PLEKHH2: variants seen among roughly 807,000 people sequenced by gnomAD.
PLEKHH2 encodes pleckstrin homology, MyTH4 and FERM domain containing H2, also known as pleckstrin homology domain-containing family H member 2.
PLEKHH2 carries 129 observed loss-of-function variants against 187.9 expected under a neutral mutation model. The observed-to-expected ratio is 0.69, with a 90% CI of 0.59 to 0.79. PLEKHH2 has a LOEUF of 0.79. Among genes scored for constraint, PLEKHH2 ranks in the 30% least tolerant of loss-of-function variants. The pLI is 0.00. For synonymous variants in PLEKHH2, 686 were observed against 605.6 expected (o/e 1.13, Z -1.95); for missense variants, 2,076 against 1,751.2 (o/e 1.19, Z -3.31).
At chr2:43,644,524 A>T in intron 1 of PLEKHH2, 147 bp from the exon 2 acceptor site, 1 of 563,054 alleles carries the variant, frequency 1.8e-6, no homozygotes, top group Non-Finnish European at 2.7e-6. Flanking sequence ...TTTGTCTTAG[A>T]ATTTAAAATT....
At chr2:43,639,514 A>G (rs1486937899) in intron 1 of PLEKHH2, among the ~76,000 whole-genome samples, 1 of 152,184 alleles carries the variant, frequency 6.6e-6, no homozygotes, top group Non-Finnish European at 1.5e-5. Flanking sequence ...AAATGGACTC[A>G]TACAATATGT....
chr2:43,644,448 CTCCA>C (rs3042473), intron 1 of PLEKHH2, among the ~76,000 whole-genome samples: 97,293 of 151,324 alleles, frequency 0.64, 32,225 homozygotes, highest in African/African-American at 0.77. Context: ...CACAGTTGGG[CTCCA>C]TCCAGCCTTA....
chr2:43,732,238 C>G (rs1165216452), intron 19 of PLEKHH2, among the ~76,000 whole-genome samples: 2 of 152,112 alleles, frequency 1.3e-5, no homozygotes, highest in African/African-American at 4.8e-5. Context: ...AGGCACATAC[C>G]TGTAATCCCA....
At chr2:43,738,972 A>T (rs1258978668) in intron 20 of PLEKHH2, among the ~76,000 whole-genome samples, 2 of 152,042 alleles carry the variant, frequency 1.3e-5, no homozygotes, top group Non-Finnish European at 2.9e-5. Flanking sequence ...GCTCACTGGA[A>T]CCTCCGCCTC....
intron 2 of PLEKHH2, among the ~76,000 whole-genome samples, chr2:43,648,560 C>CGCGT (rs372024531): frequency 7.2e-5 from 10 of 137,956 alleles, no homozygotes; most frequent in Admixed American, 6.6e-4. Context: ...TAATTACATT[C>CGCGT]GTGTGTGTGT....
intron 3 of PLEKHH2, among the ~76,000 whole-genome samples, chr2:43,683,655 C>G (rs1011968058): frequency 6.6e-6 from 1 of 152,044 alleles, no homozygotes; most frequent in Non-Finnish European, 1.5e-5. Flanking sequence ...CTCCTCTTCC[C>G]CTATATTTCC....
chr2:43,701,699 G>A (rs1420569312), intron 8 of PLEKHH2, among the ~76,000 whole-genome samples: 58 of 146,632 alleles, frequency 4.0e-4, no homozygotes, highest in African/African-American at 1.4e-3. Flanking sequence ...GGATAACACT[G>A]CTAGACTAAA....
At chr2:43,645,409 C>G (rs545872137) in intron 2 of PLEKHH2, among the ~76,000 whole-genome samples, 2 of 152,238 alleles carry the variant, frequency 1.3e-5, no homozygotes, top group Non-Finnish European at 2.9e-5. Context: ...AGACACCGTT[C>G]TTAATACTAC....
At chr2:43,710,608 T>TTTG in intron 14 of PLEKHH2, 33 bp downstream of exon 14, 1 of 1,513,448 alleles carries the variant, frequency 6.6e-7, no homozygotes, top group Non-Finnish European at 8.8e-7. Flanking sequence ...TTTTTTTTTT[T>TTTG]GTATCATGCC....
intron 1 of PLEKHH2, among the ~76,000 whole-genome samples, chr2:43,643,339 A>G (rs990626643): frequency 1.3e-5 from 2 of 152,136 alleles, no homozygotes; most frequent in African/African-American, 4.8e-5. Context: ...GGGACATCTG[A>G]AGGCTTTAAG....
intron 24 of PLEKHH2, among the ~76,000 whole-genome samples, chr2:43,751,119 A>C (rs1181896927): frequency 6.6e-6 from 1 of 152,238 alleles, no homozygotes; most frequent in Non-Finnish European, 1.5e-5. Flanking sequence ...TGTCTGAAGG[A>C]TTAAATGTTG....
chr2:43,714,608 A>T (rs1670127479), intron 15 of PLEKHH2, among the ~76,000 whole-genome samples: 1 of 152,202 alleles, frequency 6.6e-6, no homozygotes. Context: ...GATGCTAAGA[A>T]CTTGACTAAT....
chr2:43,702,185 C>T (rs1016691384), intron 8 of PLEKHH2, among the ~76,000 whole-genome samples: 4 of 152,178 alleles, frequency 2.6e-5, no homozygotes, highest in African/African-American at 9.7e-5. Flanking sequence ...GAGTCATGTT[C>T]TTTTATTACT....
In PLEKHH2 at chr2:43,764,327, C is replaced by T; in HGVS notation, c.4258C>T (p.Pro1420Ser). 6.2e-7 allele frequency: 1 copy of T among 1,612,018 alleles called. No individual in the cohort carries two copies. Among genetic ancestry groups the T allele is most frequent in the East Asian group, 2.2e-5 (1 of 44,706 alleles). The change falls in exon 29 of 30, where the codon CCA (proline) becomes TCA (serine). Residue 1420 changes from proline to serine, a missense_variant. Pro to Ser is a moderately conservative substitution (Grantham distance 74). Coordinates refer to ENST00000282406, the MANE Select transcript of PLEKHH2 (RefSeq NM_172069.4). ...VINNTHSKDKPTEKLLFAMAK... is the reference protein window; with the variant it reads ...VINNTHSKDKSTEKLLFAMAK... ...TAACAATACACATTCAAAGGACAAACCAACAGAGAAATTACTTTTTGCCAT... is the reference window on the plus strand; with the variant it reads ...TAACAATACACATTCAAAGGACAAATCAACAGAGAAATTACTTTTTGCCAT...
chr2:43,753,180 AT>A (rs1672075577), intron 24 of PLEKHH2, among the ~76,000 whole-genome samples: 1 of 152,178 alleles, frequency 6.6e-6, no homozygotes, highest in Admixed American at 6.5e-5. Context: ...ATTTCGCTTG[AT>A]GTCTTAGGTC....
At chr2:43,753,305 C>T (rs1672078767) in intron 24 of PLEKHH2, among the ~76,000 whole-genome samples, 2 of 152,088 alleles carry the variant, frequency 1.3e-5, no homozygotes, top group Non-Finnish European at 2.9e-5. Flanking sequence ...TTATAAGCGC[C>T]ATATAGTTGG....
chr2:43,644,590 A>G, intron 1 of PLEKHH2, 81 bp from the exon 2 acceptor site: 1 of 1,169,998 alleles, frequency 8.5e-7, no homozygotes. Flanking sequence ...TAATTTAACA[A>G]ATTATCCTGA....
At chr2:43,652,908 T>G (rs917352757) in intron 2 of PLEKHH2, among the ~76,000 whole-genome samples, 3 of 152,144 alleles carry the variant, frequency 2.0e-5, no homozygotes, top group Admixed American at 2.0e-4. Flanking sequence ...ACAGGGAATA[T>G]TCAGAGAATA....
intron 21 of PLEKHH2, 97 bp from the exon 22 acceptor site, chr2:43,742,644 A>G (rs1671618221): frequency 2.2e-6 from 2 of 913,044 alleles, no homozygotes; most frequent in Non-Finnish European, 3.0e-6. Context: ...AGCCTAATAC[A>G]TTGTGATAAT....
Sources: allele counts gnomAD v4.1 joint callset (sites outside exome capture counted in the v4.1 genomes callset), GRCh38; gene constraint gnomAD v4.1.1; transcripts MANE v1.5; gene names NCBI Gene and HGNC (gene_info 2026-07-23, HGNC 2026-07-21).